Variants in TRIM33 observed in about 807,000 individuals in gnomAD.
The protein encoded by TRIM33 is tripartite motif containing 33, also known as E3 ubiquitin-protein ligase TRIM33.
A neutral mutation model predicts 125.4 loss-of-function variants in TRIM33; 20 were observed. The observed-to-expected ratio is 0.16, with a 90% CI of 0.11 to 0.23. The LOEUF (loss-of-function observed/expected upper bound fraction) is 0.23. TRIM33 is among the 10% of genes least tolerant of loss of function. The pLI, the probability that TRIM33 is intolerant of heterozygous loss-of-function variation, is 1.00. For synonymous variants in TRIM33, 564 were observed against 513.9 expected, an observed-to-expected ratio of 1.10 and a Z score of -1.32; for missense variants, 920 against 1,411.4, an observed-to-expected ratio of 0.65 and a Z score of 5.58.
chr1:114,503,981 C>T (rs961163119), intron 1 of TRIM33, among the ~76,000 whole-genome samples: 6 of 152,180 alleles, frequency 3.9e-5, no homozygotes, highest in African/African-American at 1.2e-4. Flanking sequence ...AGGCACATTT[C>T]CCACTTCATC....
intron 4 of TRIM33, among the ~76,000 whole-genome samples, chr1:114,460,656 A>G (rs1649922017): frequency 7.3e-6 from 1 of 136,584 alleles, no homozygotes; most frequent in South Asian, 2.4e-4. Flanking sequence ...GGGTAACCTG[A>G]GGTAACCTGA....
chr1:114,485,643 C>T (rs1054549175), intron 1 of TRIM33, among the ~76,000 whole-genome samples: 4 of 152,188 alleles, frequency 2.6e-5, no homozygotes, highest in African/African-American at 9.7e-5. Context: ...GAACTTTCAT[C>T]TCACCTATCT....
chr1:114,472,503 C>T (rs1358722389), intron 1 of TRIM33, among the ~76,000 whole-genome samples: 10 of 152,122 alleles, frequency 6.6e-5, no homozygotes, highest in Non-Finnish European at 1.5e-4. Flanking sequence ...GAGCCAGAGG[C>T]GGGCAGATCG....
intron 11 of TRIM33, 141 bp from the exon 12 acceptor site, chr1:114,410,457 G>GTGGACCCTAAGGAA: frequency 2.3e-6 from 2 of 853,030 alleles, no homozygotes; most frequent in Non-Finnish European, 1.8e-6. Context: ...TGCTTCCTTA[G>GTGGACCCTAAGGAA]GGTCCACTGA....
intron 1 of TRIM33, among the ~76,000 whole-genome samples, chr1:114,480,041 G>A (rs1570632816): frequency 6.6e-6 from 1 of 152,358 alleles, no homozygotes; most frequent in South Asian, 2.1e-4. Context: ...AATAGAAAAG[G>A]GGGAAATGTG....
chr1:114,505,847 C>T (rs1652972390), intron 1 of TRIM33, among the ~76,000 whole-genome samples: 1 of 152,132 alleles, frequency 6.6e-6, no homozygotes, highest in South Asian at 2.1e-4. Context: ...GGATCACAGG[C>T]ATGAGCCACT....
intron 1 of TRIM33, among the ~76,000 whole-genome samples, chr1:114,465,920 G>A (rs1486082785): frequency 6.6e-6 from 1 of 151,930 alleles, no homozygotes; most frequent in African/African-American, 2.4e-5. Flanking sequence ...GCACGCGCCT[G>A]TATTCCCAGC....
chr1:114,425,437 C>A lies in TRIM33; in HGVS notation c.1695+12G>T. The A allele has an allele frequency of 6.2e-7, 1 of 1,612,436 alleles. No individual in the cohort carries two copies. The highest frequency in any genetic ancestry group is 1.1e-5 in the South Asian group (1 of 90,848). ...ATAATTTCTATCAATAATGTAGTAA[C>A]ACGATACTTACCTGTTGTTGTAACA... On this transcript the variant is annotated intron_variant, in intron 9 of 19. Transcript: ENST00000358465.
rs548081645 is a variant in TRIM33 at position 114,421,898 on chromosome 1, G to T, written c.1861-262C>A. On this transcript the variant is annotated intron_variant, in intron 10 of 19. Transcript: ENST00000358465. Reference sequence around the variant, plus strand: ...TATGATCTTATTTCAGAAGAAGGAAGTATGTAATAGAGGATCTGTAAACCT... The same window carrying T: ...TATGATCTTATTTCAGAAGAAGGAATTATGTAATAGAGGATCTGTAAACCT... 1.7e-3 allele frequency among the ~76,000 whole-genome samples: 252 copies of T among 152,294 alleles called. 1 individual carries two copies. The highest frequency in any genetic ancestry group is 7.5e-3 in the South Asian group (36 of 4,826).
intron 1 of TRIM33, among the ~76,000 whole-genome samples, chr1:114,505,718 C>T (rs992161671): frequency 6.6e-6 from 1 of 152,152 alleles, no homozygotes; most frequent in African/African-American, 2.4e-5. Context: ...CAGGTGCCTG[C>T]CACCACGCCT....
intron 12 of TRIM33, 64 bp from the exon 13 acceptor site, chr1:114,408,804 G>T (rs184997945): frequency 1.2e-5 from 13 of 1,124,584 alleles, no homozygotes; most frequent in Non-Finnish European, 1.7e-5. Context: ...TCTACCTACC[G>T]GTCACAGAAC....
intron 14 of TRIM33, among the ~76,000 whole-genome samples, chr1:114,406,520 C>T (rs975213106): frequency 2.6e-5 from 4 of 152,180 alleles, no homozygotes; most frequent in Admixed American, 6.5e-5. Context: ...AAAAGACAAA[C>T]TTCCTATCAC....
intron 1 of TRIM33, among the ~76,000 whole-genome samples, chr1:114,484,503 G>A (rs1651552986): frequency 6.6e-6 from 1 of 151,946 alleles, no homozygotes; most frequent in East Asian, 1.9e-4. Context: ...GAGGCGGGTG[G>A]ATCACCTGAG....
At chr1:114,452,638 GTAA>G (rs1031829259) in intron 4 of TRIM33, among the ~76,000 whole-genome samples, 1 of 150,436 alleles carries the variant, frequency 6.6e-6, no homozygotes, top group African/African-American at 2.4e-5. Flanking sequence ...GCTTATAAGT[GTAA>G]TCCCAACAAT....
intron 1 of TRIM33, among the ~76,000 whole-genome samples, chr1:114,488,647 C>G (rs929318695): frequency 1.3e-5 from 2 of 151,994 alleles, no homozygotes; most frequent in Non-Finnish European, 2.9e-5. Flanking sequence ...GGCTGCAGTC[C>G]CAGCTACTAG....
At chr1:114,495,824 T>C (rs1015488720) in intron 1 of TRIM33, among the ~76,000 whole-genome samples, 1 of 152,196 alleles carries the variant, frequency 6.6e-6, no homozygotes, top group Non-Finnish European at 1.5e-5. Context: ...ATAGTAAATT[T>C]CAGCTATGAC....
chr1:114,404,140 T>G (rs1652085921), intron 15 of TRIM33, among the ~76,000 whole-genome samples: 1 of 152,090 alleles, frequency 6.6e-6, no homozygotes, highest in Non-Finnish European at 1.5e-5. Flanking sequence ...AATCTATTTG[T>G]TTTTCTTTTT....
Position 114,397,036 on chromosome 1 carries a change from G to C in TRIM33, c.*612C>G, listed in dbSNP as rs989615235. On this transcript the variant is annotated 3_prime_UTR_variant, in exon 20 of 20. Coordinates refer to ENST00000358465, the MANE Select transcript of TRIM33 (RefSeq NM_015906.4). ...GTAGTGTTTCCTAAACCCTAAGTATGAGTAGAAAATAAAACCATTGCTGAG... is the reference window on the plus strand; with the variant it reads ...GTAGTGTTTCCTAAACCCTAAGTATCAGTAGAAAATAAAACCATTGCTGAG... 4.5e-6 allele frequency: 1 copy of C among 219,874 alleles called. No homozygotes were observed. The highest frequency in any genetic ancestry group is 5.7e-5 in the Admixed American group (1 of 17,420). 13.6% of individuals were successfully genotyped at this position (219,874 alleles called of 1,614,324 possible). A position where few individuals can be genotyped will look rare whatever the true frequency, so the allele number is the denominator to read the frequency against.
chr1:114,425,399 T>C lies in TRIM33; in HGVS notation c.1695+50A>G, dbSNP rs755460770. On this transcript the variant is annotated intron_variant, in intron 9 of 19. Transcript: ENST00000358465. Reference sequence around the variant, plus strand: ...CTTAATTATATAGGAAAAAGTGTAGTGTTGAGGGCTTCATAATTTCTATCA... The same window carrying C: ...CTTAATTATATAGGAAAAAGTGTAGCGTTGAGGGCTTCATAATTTCTATCA... 1.4e-5 allele frequency: 23 copies of C among 1,588,694 alleles called. No homozygotes were observed. In the South Asian group the frequency reaches 2.7e-4, roughly 18 times the overall value.
Sources: allele counts gnomAD v4.1 joint callset (sites outside exome capture counted in the v4.1 genomes callset), GRCh38; gene constraint gnomAD v4.1.1; transcripts MANE v1.5; gene names NCBI Gene and HGNC (gene_info 2026-07-23, HGNC 2026-07-21).